The following IMMP1L variants were observed in gnomAD, a reference collection of about 807,000 sequenced individuals.
The protein encoded by IMMP1L is mitochondrial inner membrane protease subunit 1.
IMMP1L carries 24 observed loss-of-function variants against 21.8 expected under a neutral mutation model. The observed-to-expected ratio is 1.10, with a 90% confidence interval of 0.80 to 1.55. IMMP1L has a LOEUF of 1.55. IMMP1L is among the 40% of genes most tolerant of loss of function. The probability of loss-of-function intolerance (pLI) is 0.00; values close to 1 mark genes in which losing one functional copy is unlikely to be tolerated. For synonymous variants in IMMP1L, 46 were observed against 62.8 expected, an observed-to-expected ratio of 0.73 and a Z score of 1.26; for missense variants, 195 against 200.7, an observed-to-expected ratio of 0.97 and a Z score of 0.17.
At chr11:31,459,597 T>C (rs79343015) in intron 3 of IMMP1L, among the ~76,000 whole-genome samples, 3,060 of 152,190 alleles carry the variant, frequency 0.02, 90 homozygotes, top group African/African-American at 0.069. Context: ...TGAAATAGGA[T>C]TTTTTATCAT....
intron 3 of IMMP1L, among the ~76,000 whole-genome samples, chr11:31,457,034 CTGAT>C (rs1412910991): frequency 1.3e-5 from 2 of 151,614 alleles, no homozygotes; most frequent in Non-Finnish European, 2.9e-5. Context: ...GCCAGTAGCA[CTGAT>C]TGACTCTAGA....
chr11:31,463,847 TGTCA>T (rs1164213803), intron 1 of IMMP1L, among the ~76,000 whole-genome samples: 1 of 152,152 alleles, frequency 6.6e-6, no homozygotes, highest in African/African-American at 2.4e-5. Context: ...CAGCAATGTA[TGTCA>T]AAGTACTTTA....
intron 4 of IMMP1L, among the ~76,000 whole-genome samples, chr11:31,440,079 TCCC>T (rs1488971911): frequency 2.6e-5 from 4 of 152,154 alleles, no homozygotes; most frequent in Non-Finnish European, 5.9e-5. Flanking sequence ...GATTTATAAA[TCCC>T]AACCACTTAA....
chr11:31,484,353 C>T (rs7950483), intron 1 of IMMP1L, among the ~76,000 whole-genome samples: 2 of 151,752 alleles, frequency 1.3e-5, no homozygotes, highest in African/African-American at 2.4e-5. Flanking sequence ...CCAATTTACA[C>T]AAAAAGTACC....
chr11:31,496,881 GAT>G (rs1259936856), intron 1 of IMMP1L, among the ~76,000 whole-genome samples: 1 of 145,952 alleles, frequency 6.9e-6, no homozygotes, highest in Non-Finnish European at 1.5e-5. Flanking sequence ...ATATATATCT[GAT>G]ATATATGATC....
intron 1 of IMMP1L, among the ~76,000 whole-genome samples, chr11:31,492,348 T>C (rs1235814028): frequency 1.3e-5 from 2 of 152,160 alleles, no homozygotes; most frequent in African/African-American, 2.4e-5. Context: ...CTTCATAGAA[T>C]TGAAAAAAAC....
At chr11:31,493,051 G>T (rs1955309055) in intron 1 of IMMP1L, among the ~76,000 whole-genome samples, 1 of 152,158 alleles carries the variant, frequency 6.6e-6, no homozygotes, top group African/African-American at 2.4e-5. Flanking sequence ...AAAAAATGCA[G>T]TTCTTCAAAG....
intron 1 of IMMP1L, among the ~76,000 whole-genome samples, chr11:31,479,014 C>T (rs1954807512): frequency 6.6e-6 from 1 of 151,924 alleles, no homozygotes; most frequent in East Asian, 1.9e-4. Context: ...TTCTTCCACC[C>T]ATGACATAAC....
Position 31,463,167 on chromosome 11 carries a change from C to G in IMMP1L, c.105+5G>C, listed in dbSNP as rs757531061. The G allele has an allele frequency of 1.3e-6, 2 of 1,592,924 alleles. No homozygotes were observed. The highest frequency in any genetic ancestry group is 4.5e-5 in the East Asian group (2 of 44,304). ...AGATGAATATTCTTGAACATAAAAA[C>G]TTACCATGACAACACCACCAACGTA... On this transcript the variant is annotated splice_donor_5th_base_variant and intron_variant, in intron 2 of 5. Transcript: ENST00000532287.
chr11:31,475,008 C>T (rs1227323040), intron 1 of IMMP1L, among the ~76,000 whole-genome samples: 6 of 152,010 alleles, frequency 3.9e-5, no homozygotes, highest in Non-Finnish European at 5.9e-5. Flanking sequence ...TTAAGACCAC[C>T]GACGCATACT....
intron 1 of IMMP1L, among the ~76,000 whole-genome samples, chr11:31,508,850 G>GT (rs1019670705): frequency 6.6e-6 from 1 of 152,040 alleles, no homozygotes; most frequent in Admixed American, 6.6e-5. Context: ...CAAAATACAT[G>GT]TTTTTTCCAC....
intron 4 of IMMP1L, among the ~76,000 whole-genome samples, chr11:31,455,955 G>C (rs895067972): frequency 2.0e-5 from 3 of 152,024 alleles, no homozygotes; most frequent in African/African-American, 7.2e-5. Context: ...TAAATATTTT[G>C]GGAGAGATAA....
rs543081552 is a variant in IMMP1L, at chr11:31,434,836, T to C, written c.322-1266A>G. ...GAAACTGTATGATCATTCACTTTTA[T>C]TACTGGAACTAGTTTGTCCAAGGGC... On this transcript the variant is annotated intron_variant, in intron 4 of 5. Transcript: ENST00000532287. Among the ~76,000 whole-genome samples, 12 of 152,252 alleles carry C rather than the reference T, an allele frequency of 7.9e-5. No homozygotes were observed. The South Asian group carries it at 2.5e-3, about 32-fold the overall frequency.
chr11:31,454,537 A>T (rs1278069373), intron 4 of IMMP1L, among the ~76,000 whole-genome samples: 1 of 151,426 alleles, frequency 6.6e-6, no homozygotes, highest in Non-Finnish European at 1.5e-5. Context: ...AAGGTGATGG[A>T]TATGGTAAAT....
chr11:31,490,324 T>C (rs534196301), intron 1 of IMMP1L, among the ~76,000 whole-genome samples: 173 of 152,064 alleles, frequency 1.1e-3, no homozygotes, highest in Non-Finnish European at 2.0e-3. Flanking sequence ...ATACAAAAAT[T>C]AGCCGGGCAT....
intron 1 of IMMP1L, among the ~76,000 whole-genome samples, chr11:31,489,958 T>C (rs1372150329): frequency 6.6e-6 from 1 of 152,198 alleles, no homozygotes; most frequent in African/African-American, 2.4e-5. Context: ...AAGAACTTGC[T>C]AAATGTTTTT....
Position 31,509,575 on chromosome 11 carries a change from A to C in IMMP1L, c.-86T>G, listed in dbSNP as rs1592065993. 1.7e-6 allele frequency: 1 copy of C among 599,676 alleles called. No individual in the cohort carries two copies. The highest frequency in any genetic ancestry group is 2.9e-6 in the Non-Finnish European group (1 of 339,170). The allele number at this position is 599,676 out of a possible 1,614,324, so 37.1% of individuals were successfully genotyped here. On this transcript the variant is annotated 5_prime_UTR_variant, in exon 1 of 6. Transcript: ENST00000532287. The stretch of plus-strand genomic sequence containing the variant: ...ACCAGGACACAGGTGGGCCTTTCTC[A>C]CCTGGGCCCCGCCGAAGTCGACCGT...
chr11:31,506,570 T>C (rs1198985309), intron 1 of IMMP1L, among the ~76,000 whole-genome samples: 1 of 151,860 alleles, frequency 6.6e-6, no homozygotes, highest in African/African-American at 2.4e-5. Flanking sequence ...GAATACTTTA[T>C]TTATTCTCGT....
At chr11:31,483,086 T>A (rs1592016655) in intron 1 of IMMP1L, among the ~76,000 whole-genome samples, 1 of 151,996 alleles carries the variant, frequency 6.6e-6, no homozygotes, top group South Asian at 2.1e-4. Flanking sequence ...ATTTTCTATA[T>A]ATAATACAAA....
Sources: gnomAD v4.1 joint callset for allele counts (sites outside exome capture counted in the v4.1 genomes callset) on GRCh38, gnomAD v4.1.1 for gene constraint, MANE v1.5 for transcripts, NCBI Gene and HGNC (gene_info 2026-07-23, HGNC 2026-07-21) for gene names.